The following GRM5 variants were observed in gnomAD, a reference collection of about 807,000 sequenced individuals.
The protein encoded by GRM5 is glutamate metabotropic receptor 5.
A neutral mutation model predicts 83.1 loss-of-function variants in GRM5; 19 were observed. The observed-to-expected ratio is 0.23, with a 90% CI of 0.16 to 0.34. GRM5 has a LOEUF of 0.34. Among genes scored for constraint, GRM5 ranks in the 10% least tolerant of loss-of-function variants. The pLI, the probability that GRM5 is intolerant of heterozygous loss-of-function variation, is 1.00. For synonymous variants in GRM5, 675 were observed against 633.6 expected (o/e 1.07, Z -0.98); for missense variants, 1,160 against 1,588.3 (o/e 0.73, Z 4.58).
chr11:89,007,962 C>T (rs1156402214), intron 2 of GRM5, among the ~76,000 whole-genome samples: 2 of 152,152 alleles, frequency 1.3e-5, no homozygotes, highest in Non-Finnish European at 2.9e-5. Flanking sequence ...TATAATATAA[C>T]TTCAAATAAA....
chr11:89,032,811 C>A (rs1293715521), intron 2 of GRM5, among the ~76,000 whole-genome samples: 2 of 152,012 alleles, frequency 1.3e-5, no homozygotes, highest in Non-Finnish European at 2.9e-5. Context: ...TTCTTGATGA[C>A]TACTCAGAGC....
At chr11:88,735,147 C>G (rs1470623244) in intron 3 of GRM5, among the ~76,000 whole-genome samples, 1 of 151,898 alleles carries the variant, frequency 6.6e-6, no homozygotes, top group Non-Finnish European at 1.5e-5. Context: ...CGAAGAAATA[C>G]ATTGTTTAGT....
At chr11:88,699,541 G>A (rs1165029984) in intron 3 of GRM5, among the ~76,000 whole-genome samples, 2 of 152,174 alleles carry the variant, frequency 1.3e-5, no homozygotes, top group African/African-American at 4.8e-5. Flanking sequence ...TCTAAGAGCA[G>A]CTAGGAAGCT....
chr11:88,917,643 T>A (rs1293194292), intron 2 of GRM5, among the ~76,000 whole-genome samples: 1 of 151,986 alleles, frequency 6.6e-6, no homozygotes, highest in Non-Finnish European at 1.5e-5. Flanking sequence ...GAGATTAAAA[T>A]AATCTTAAAA....
chr11:88,654,730 A>T (rs1939724328), intron 3 of GRM5, among the ~76,000 whole-genome samples: 1 of 152,068 alleles, frequency 6.6e-6, no homozygotes, highest in Non-Finnish European at 1.5e-5. Flanking sequence ...ATTTAACAGA[A>T]TGTTAATTTA....
At chr11:88,941,786 ATACC>A (rs1938122838) in intron 2 of GRM5, among the ~76,000 whole-genome samples, 1 of 152,070 alleles carries the variant, frequency 6.6e-6, no homozygotes, top group Non-Finnish European at 1.5e-5. Flanking sequence ...TGGCACATAT[ATACC>A]TACTGATGCG....
At position 88,567,791 on chromosome 11, in the gene GRM5, C is replaced by T. The variant is rs1392533097; in HGVS notation, c.1892G>A (p.Cys631Tyr). Residue 631 changes from cysteine (C) to tyrosine (Y), a missense_variant, in exon 8 of 10, where the codon TGT becomes TAT. Transcript: ENST00000305447. This position sits in a 1 kb window ranked among gnomAD's most constrained non-coding sequence, Gnocchi z 7.3. ...ILAGICLGYLCTFCLIAKPKQ... is the reference protein window; with the variant it reads ...ILAGICLGYLYTFCLIAKPKQ... ...GGGCTTCGCAATGAGGCAGAAGGTA[C>T]ATAAGTAGCCCAGGCAGATGCCAGC... 1 of 1,613,924 alleles carries T rather than the reference C, an allele frequency of 6.2e-7. No homozygotes were observed. The highest frequency in any genetic ancestry group is 8.5e-7 in the Non-Finnish European group (1 of 1,179,922).
intron 4 of GRM5, among the ~76,000 whole-genome samples, chr11:88,624,170 A>G (rs978587856): frequency 6.6e-6 from 1 of 152,218 alleles, no homozygotes; most frequent in African/African-American, 2.4e-5. Context: ...ATGGACCAAA[A>G]GTTTTCCTGA....
intron 4 of GRM5, among the ~76,000 whole-genome samples, chr11:88,638,465 G>T (rs968485975): frequency 6.6e-6 from 1 of 151,744 alleles, no homozygotes; most frequent in Non-Finnish European, 1.5e-5. Context: ...AGATATTTTC[G>T]TCTGGTTTTG....
intron 3 of GRM5, among the ~76,000 whole-genome samples, chr11:88,667,205 G>T (rs988309822): frequency 6.6e-6 from 1 of 152,032 alleles, no homozygotes; most frequent in African/African-American, 2.4e-5. Flanking sequence ...TATCCAGACT[G>T]AAACATGGAA....
intron 3 of GRM5, among the ~76,000 whole-genome samples, chr11:88,836,726 CAGAG>C (rs1200673123): frequency 3.9e-5 from 6 of 152,074 alleles, no homozygotes; most frequent in Non-Finnish European, 7.4e-5. Context: ...ACTCAGGAGA[CAGAG>C]ACTGCAGTGA....
At chr11:88,926,830 C>A (rs1354949593) in intron 2 of GRM5, among the ~76,000 whole-genome samples, 2 of 152,092 alleles carry the variant, frequency 1.3e-5, no homozygotes, top group Non-Finnish European at 2.9e-5. Flanking sequence ...TAGAATGGCT[C>A]TTTACATCTA....
chr11:88,821,549 G>A (rs1423783194), intron 3 of GRM5, among the ~76,000 whole-genome samples: 1 of 151,924 alleles, frequency 6.6e-6, no homozygotes, highest in Non-Finnish European at 1.5e-5. Flanking sequence ...TTTCAATCCT[G>A]AGCAGTTCTT....
chr11:89,009,929 A>AAAACAC (rs752780249), intron 2 of GRM5, among the ~76,000 whole-genome samples: 7 of 102,332 alleles, frequency 6.8e-5, no homozygotes, highest in Non-Finnish European at 7.7e-5. Flanking sequence ...AAAAAAAAAA[A>AAAACAC]ACACACACAA....
At chr11:88,629,816 G>T (rs1938912344) in intron 4 of GRM5, among the ~76,000 whole-genome samples, 1 of 152,006 alleles carries the variant, frequency 6.6e-6, no homozygotes, top group Non-Finnish European at 1.5e-5. Flanking sequence ...TACAAAAAAG[G>T]CCAGTTCAAG....
rs1945045822 is a variant in GRM5 at position 88,886,446 on chromosome 11, C to T, written c.662-36291G>A. Among the ~76,000 whole-genome samples the T allele has an allele frequency of 2.0e-5, 3 of 152,168 alleles. 1 individual carries two copies. The South Asian group carries it at 6.2e-4, about 32-fold the overall frequency. On this transcript the variant is annotated intron_variant, in intron 2 of 9. Transcript: ENST00000305447. ...AAACCAAATACGGGGCCCCTTTCAG[C>T]CATTTAAAAATAATTAGCATGGCTG...
intron 8 of GRM5, among the ~76,000 whole-genome samples, chr11:88,557,824 A>G (rs1178102178): frequency 6.6e-6 from 1 of 151,018 alleles, no homozygotes; most frequent in Non-Finnish European, 1.5e-5. Context: ...ACATAGGTAT[A>G]CACGTGCCAT....
chr11:88,661,302 C>T (rs1283986836), intron 3 of GRM5, among the ~76,000 whole-genome samples: 4 of 152,128 alleles, frequency 2.6e-5, no homozygotes, highest in Non-Finnish European at 4.4e-5. Flanking sequence ...CAGATAACTA[C>T]ATCTACTCAT....
At chr11:88,814,351 T>C (rs988085017) in intron 3 of GRM5, among the ~76,000 whole-genome samples, 11 of 152,188 alleles carry the variant, frequency 7.2e-5, no homozygotes, top group Non-Finnish European at 1.6e-4. Flanking sequence ...CAGAGGGCCT[T>C]TTTTGGGTAT....
Sources: gnomAD v4.1 joint callset for allele counts (sites outside exome capture counted in the v4.1 genomes callset) on GRCh38, gnomAD v4.1.1 for gene constraint, Gnocchi (gnomAD v3.1) non-coding constraint, MANE v1.5 for transcripts, NCBI Gene and HGNC (gene_info 2026-07-23, HGNC 2026-07-21) for gene names.